Variants in LRRC2 observed in about 807,000 individuals in gnomAD.
The protein encoded by LRRC2 is leucine-rich repeat-containing protein 2.
A neutral mutation model predicts 40.2 loss-of-function variants in LRRC2; 27 were observed. The observed-to-expected ratio is 0.67, with a 90% CI of 0.49 to 0.93. LRRC2 has a LOEUF of 0.93. Ranked by LOEUF, LRRC2 falls within the 40% of genes least tolerant of loss-of-function variation. The pLI is 0.00. For missense variants in LRRC2, 402 were observed against 439.6 expected (o/e 0.91, Z 0.76); for synonymous variants, 147 against 158.9 (o/e 0.92, Z 0.56).
At chr3:46,552,787 G>C (rs141825050) in intron 1 of LRRC2, among the ~76,000 whole-genome samples, 196 of 152,336 alleles carry the variant, frequency 1.3e-3, no homozygotes, top group African/African-American at 3.8e-3. Context: ...ACAGCCTGGA[G>C]ACATGTCCTC....
chr3:46,539,248 C>A, intron 3 of LRRC2, 47 bp from the exon 4 acceptor site: 1 of 1,567,506 alleles, frequency 6.4e-7, no homozygotes, highest in Non-Finnish European at 8.7e-7. Context: ...CCTCCGTGTG[C>A]ACAAAGCCGT....
chr3:46,539,340 A>T lies in LRRC2; in HGVS notation c.334-139T>A, dbSNP rs35082490. On this transcript the variant is annotated intron_variant, in intron 3 of 8. Transcript: ENST00000395905. ...AAACTTAACCACCAGCACTCCAGCC[A>T]TTTCAAAAAGAAACCAAAGACACCG... is the stretch of plus-strand genomic sequence containing the variant. 62,835 of 769,332 alleles carry T rather than the reference A, an allele frequency of 0.082. 3,271 individuals are homozygous for T. The highest frequency in any genetic ancestry group is 0.17 in the South Asian group (9,364 of 56,490). The allele number at this position is 769,332 out of a possible 1,614,324, so 47.7% of individuals were successfully genotyped here. A position where few individuals can be genotyped will look rare whatever the true frequency, so the allele number is the denominator to read the frequency against.
At chr3:46,560,685 G>A (rs545474594) in intron 1 of LRRC2, among the ~76,000 whole-genome samples, 9 of 152,318 alleles carry the variant, frequency 5.9e-5, no homozygotes, top group African/African-American at 2.2e-4. Flanking sequence ...CCGGTTCCCT[G>A]CTGTGGGTCT....
chr3:46,521,071 C>T (rs1466301475), intron 8 of LRRC2, among the ~76,000 whole-genome samples: 9 of 152,146 alleles, frequency 5.9e-5, no homozygotes, highest in African/African-American at 2.2e-4. Context: ...TGCATCTATG[C>T]GCAAATTGGC....
At chr3:46,562,981 A>C (rs1704979063) in intron 1 of LRRC2, among the ~76,000 whole-genome samples, 2 of 152,038 alleles carry the variant, frequency 1.3e-5, no homozygotes, top group Non-Finnish European at 2.9e-5. Context: ...CCGCCTCGGC[A>C]TCCCAAAGTG....
At chr3:46,543,618 TTAATAA>T (rs202012137) in intron 3 of LRRC2, among the ~76,000 whole-genome samples, 154 of 105,122 alleles carry the variant, frequency 1.5e-3, no homozygotes, top group African/African-American at 3.5e-3. Context: ...TCCATCTCAA[TTAATAA>T]TAATAATAAT....
rs1343875888 is a variant in LRRC2 at position 46,518,524 on chromosome 3, C to A, written c.*490G>T. 5 of 152,468 alleles carry A rather than the reference C, an allele frequency of 3.3e-5. No homozygotes were observed. Among genetic ancestry groups the A allele is most frequent in the African/African-American group, 1.2e-4 (5 of 41,526 alleles). 9.4% of individuals were successfully genotyped at this position (152,468 alleles called of 1,614,324 possible). On this transcript the variant is annotated 3_prime_UTR_variant, in exon 9 of 9. Coordinates refer to ENST00000395905, the MANE Select transcript of LRRC2 (RefSeq NM_024512.5). The stretch of plus-strand genomic sequence containing the variant: ...TACAGGCAACTGCCACCATGCCCAG[C>A]TAATTTTTTGTATTTTTAGTAGAGA...
chr3:46,559,772 A>C (rs1245098387), intron 1 of LRRC2: 1 of 152,222 alleles, frequency 6.6e-6, no homozygotes, highest in Admixed American at 6.5e-5. Flanking sequence ...TTAAGTAGTT[A>C]TAAGTCATTA....
intron 1 of LRRC2, among the ~76,000 whole-genome samples, chr3:46,556,795 T>G (rs1373766625): frequency 6.6e-6 from 1 of 152,042 alleles, no homozygotes; most frequent in African/African-American, 2.4e-5. Context: ...ATCAGGTTGG[T>G]CTCGAATTTC....
rs1559412272 is a variant in LRRC2 at position 46,534,423 on chromosome 3, C to CTTTCTTTCTTT, written c.491-1515_491-1514insAAAGAAAGAAA. On this transcript the variant is annotated intron_variant, in intron 4 of 8. Transcript: ENST00000395905. ...TTCTTTTCTTTTCTTTTCCTTCCTTCCTTTCTTTCTTTCTTTCTTTCTTTC... is the reference window on the plus strand; with the variant it reads ...TTCTTTTCTTTTCTTTTCCTTCCTTCTTTCTTTCTTTCTTTCTTTCTTTCTTTCTTTCTTTC... 3.8e-3 allele frequency among the ~76,000 whole-genome samples: 389 copies of CTTTCTTTCTTT among 101,090 alleles called. 1 individual carries two copies. Among genetic ancestry groups the CTTTCTTTCTTT allele is most frequent in the South Asian group, 7.0e-3 (18 of 2,558 alleles). The allele number at this position is 101,090 out of a possible 152,430, so 66.3% of individuals were successfully genotyped here.
chr3:46,551,544 C>T lies in LRRC2; in HGVS notation c.48G>A (p.Leu16=), dbSNP rs1704651966. Residue 16 remains leucine (L), a synonymous_variant, in exon 2 of 9, where the codon TTG becomes TTA. Coordinates refer to ENST00000395905, the MANE Select transcript of LRRC2 (RefSeq NM_024512.5). ...VVFDISVIRA[L]WETRVKKHKA... ...TGTGCTTCTTGACACGAGTTTCCCA[C>T]AAGGCTCTGATGACAGAAATGTCGA... is the stretch of plus-strand genomic sequence containing the variant. 1 of 1,614,098 alleles carries T rather than the reference C, an allele frequency of 6.2e-7. No homozygotes were observed. Among genetic ancestry groups the T allele is most frequent in the East Asian group, 2.2e-5 (1 of 44,884 alleles).
chr3:46,520,285 T>C (rs914812893), intron 8 of LRRC2, among the ~76,000 whole-genome samples: 2 of 150,966 alleles, frequency 1.3e-5, no homozygotes, highest in African/African-American at 4.8e-5. Context: ...CCTATTTTCT[T>C]TCTTTCTTGG....
intron 3 of LRRC2, among the ~76,000 whole-genome samples, chr3:46,543,637 T>TAATAATAATAATAATAATAATA (rs1473831610): frequency 3.2e-5 from 3 of 92,650 alleles, no homozygotes; most frequent in Middle Eastern, 6.0e-3. Flanking sequence ...ATAATAATAA[T>TAATAATAATAATAATAATAATA]AATAATAATA....
chr3:46,553,190 A>AAAT (rs1007161644), intron 1 of LRRC2, among the ~76,000 whole-genome samples: 2 of 151,782 alleles, frequency 1.3e-5, no homozygotes, highest in African/African-American at 4.8e-5. Flanking sequence ...TGCAAAAAAA[A>AAAT]AAAATTGTCA....
At chr3:46,522,258 C>G (rs1703976748) in intron 7 of LRRC2, among the ~76,000 whole-genome samples, 1 of 151,732 alleles carries the variant, frequency 6.6e-6, no homozygotes, top group Non-Finnish European at 1.5e-5. Flanking sequence ...GCCTATAATC[C>G]CAGCTACTCA....
In LRRC2 at chr3:46,521,673, A is replaced by T; in HGVS notation, c.930-15T>A. 1 of 1,603,210 alleles carries T rather than the reference A, an allele frequency of 6.2e-7. No homozygotes were observed. The highest frequency in any genetic ancestry group is 8.5e-7 in the Non-Finnish European group (1 of 1,176,826). On this transcript the variant is annotated splice_polypyrimidine_tract_variant and intron_variant, in intron 7 of 8. Transcript: ENST00000395905. ...GGCTTACAAATCTATTCGAGAAAGC[A>T]TGGGAAGTATCACATTATCACCTGT...
At chr3:46,520,753 T>C (rs1235601567) in intron 8 of LRRC2, among the ~76,000 whole-genome samples, 1 of 152,204 alleles carries the variant, frequency 6.6e-6, no homozygotes, top group Non-Finnish European at 1.5e-5. Context: ...GACAACTCTC[T>C]TCCTGCCAGG....
intron 4 of LRRC2, among the ~76,000 whole-genome samples, chr3:46,533,349 C>T (rs953542077): frequency 6.6e-6 from 1 of 152,132 alleles, no homozygotes; most frequent in African/African-American, 2.4e-5. Flanking sequence ...TATAGCGGCT[C>T]CTGGTTTCTA....
intron 4 of LRRC2, among the ~76,000 whole-genome samples, chr3:46,533,869 T>C (rs1190724966): frequency 6.6e-6 from 1 of 151,040 alleles, no homozygotes; most frequent in Admixed American, 6.6e-5. Context: ...TTTCTCTTTC[T>C]TTCCCTTCCT....
Sources: gnomAD v4.1 joint callset for allele counts (sites outside exome capture counted in the v4.1 genomes callset) on GRCh38, gnomAD v4.1.1 for gene constraint, MANE v1.5 for transcripts, NCBI Gene and HGNC (gene_info 2026-07-23, HGNC 2026-07-21) for gene names.